ZNF205: variants seen among roughly 807,000 people sequenced by gnomAD.
The protein encoded by ZNF205 is transcriptional repressor RHIT.
A neutral mutation model predicts 53.6 loss-of-function variants in ZNF205; 32 were observed. That is an observed-to-expected ratio of 0.60 (90% confidence interval 0.45 to 0.80). The LOEUF (loss-of-function observed/expected upper bound fraction) is 0.80, where lower values mean the gene tolerates loss of function less well. Among genes scored for constraint, ZNF205 ranks in the 30% least tolerant of loss-of-function variants. The probability of loss-of-function intolerance (pLI) is 0.00; values close to 1 mark genes in which losing one functional copy is unlikely to be tolerated. For missense variants in ZNF205, 836 were observed against 782.4 expected (o/e 1.07, Z -0.82); for synonymous variants, 382 against 334.3 (o/e 1.14, Z -1.56).
In ZNF205 at chr16:3,118,891, C is replaced by A; in HGVS notation, c.485-14C>A. 6.2e-7 allele frequency: 1 copy of A among 1,612,486 alleles called. No individual in the cohort carries two copies. The highest frequency in any genetic ancestry group is 8.5e-7 in the Non-Finnish European group (1 of 1,179,412). ...CAGAAGGCCTGTGACAGCACAGCAT[C>A]TCTTTCTGGGCAGGCTTTCCCTTCA... On this transcript the variant is annotated splice_polypyrimidine_tract_variant and intron_variant, in intron 5 of 6. Transcript: ENST00000219091.
At chr16:3,115,804 C>CGTGA (rs1567176303) in intron 3 of ZNF205, 25 bp from the exon 4 acceptor site, 1 of 1,596,194 alleles carries the variant, frequency 6.3e-7, no homozygotes, top group Admixed American at 1.7e-5. Context: ...AGCTGATCAC[C>CGTGA]GTGAGGACCT....
At chr16:3,116,008 C>G (rs984145563) in intron 4 of ZNF205, 88 bp downstream of exon 4, 2 of 1,358,268 alleles carry the variant, frequency 1.5e-6, no homozygotes, top group African/African-American at 2.9e-5. Context: ...CCGCTGGCCC[C>G]ACTTGCAGCC....
rs1957403124 is a variant in ZNF205 at position 3,120,009 on chromosome 16, G to T, written c.1349G>T (p.Cys450Phe). 1 of 1,613,738 alleles carries T rather than the reference G, an allele frequency of 6.2e-7. No individual in the cohort carries two copies. Among genetic ancestry groups the T allele is most frequent in the Non-Finnish European group, 8.5e-7 (1 of 1,179,910 alleles). The change falls in exon 7 of 7, where the codon TGC becomes TTC. Residue 450 changes from cysteine (C) to phenylalanine (F), a missense_variant. By Grantham distance (205) the Cys-to-Phe change is radical. Transcript: ENST00000219091. ...CACACTGGGGTCAAGCCCTATCCGT[G>T]CCCCGAGTGCGGCAAGTGCTTCAGC... ...RTHTGVKPYP[C>F]PECGKCFSQR...
intron 2 of ZNF205, chr16:3,114,737 G>C (rs1041148753): frequency 6.6e-5 from 10 of 152,188 alleles, no homozygotes; most frequent in African/African-American, 2.4e-4. Flanking sequence ...CCAAAATCTA[G>C]GTGTCAGCAG....
At chr16:3,114,008 T>C (rs950772376) in intron 2 of ZNF205, among the ~76,000 whole-genome samples, 3 of 152,120 alleles carry the variant, frequency 2.0e-5, no homozygotes, top group Admixed American at 6.5e-5. Flanking sequence ...GGGAACCAGA[T>C]GTGTCATCTG....
At chr16:3,115,784 C>T (rs1431455780) in intron 3 of ZNF205, 45 bp from the exon 4 acceptor site, 1 of 1,564,172 alleles carries the variant, frequency 6.4e-7, no homozygotes, top group Non-Finnish European at 8.8e-7. Context: ...GCAGCAGGTC[C>T]AGCAGGATGA....
Position 3,116,447 on chromosome 16 carries a change from T to C in ZNF205, c.384T>C (p.Asp128=), listed in dbSNP as rs1360083796. The C allele has an allele frequency of 6.2e-7, 1 of 1,614,062 alleles. No individual in the cohort carries two copies. The highest frequency in any genetic ancestry group is 2.2e-5 in the East Asian group (1 of 44,884). The change falls in exon 5 of 7, where the codon GAT becomes GAC. Residue 128 remains aspartate, a synonymous_variant. Transcript: ENST00000219091. The part of the protein sequence containing the change: ...AWSQMPVTFE[D]VALYLSREEW... ...TTCAGATGCCAGTGACTTTCGAGGA[T>C]GTGGCCTTGTACCTCTCCCGGGAGG...
chr16:3,115,416 CAG>C lies in ZNF205; in HGVS notation c.120_121del (p.Asp42HisfsTer8), dbSNP rs754162042. The C allele has an allele frequency of 6.2e-7, 1 of 1,611,828 alleles. No individual in the cohort carries two copies. On this transcript the variant is annotated frameshift_variant, in exon 3 of 7. Transcript: ENST00000219091. LOFTEE classifies it high-confidence loss of function. ...TCTAAGCTGGGGGAGGCGGTACCTT[CAG>C]GGGACACTCAGGAGTCACTGCACAT...
chr16:3,116,381 G>A (rs188397102), intron 4 of ZNF205, 46 bp from the exon 5 acceptor site: 60 of 1,608,712 alleles, frequency 3.7e-5, no homozygotes, highest in Admixed American at 1.2e-4. Context: ...TCCCTCCACC[G>A]TGTCCACGTC....
Position 3,113,441 on chromosome 16 carries a change from A to ACGG in ZNF205, c.15_17dup (p.Gly7dup), listed in dbSNP as rs2151225709. The ACGG allele has an allele frequency of 6.2e-7, 1 of 1,613,404 alleles. No individual in the cohort carries two copies. The highest frequency in any genetic ancestry group is 1.1e-5 in the South Asian group (1 of 90,968). On this transcript the variant is annotated inframe_insertion, in exon 2 of 7. Transcript: ENST00000219091. ...GCTCTGAAATAGAAAATGTCTGCAG[A>ACGG]CGGCGGAGGCATCCAGGACACCCAG...
At position 3,115,376 on chromosome 16, in the gene ZNF205, C is replaced by T. The variant is rs768798546; in HGVS notation, c.79C>T (p.His27Tyr). 6.2e-7 allele frequency: 1 copy of T among 1,603,184 alleles called. No individual in the cohort carries two copies. Among genetic ancestry groups the T allele is most frequent in the South Asian group, 1.1e-5 (1 of 89,250 alleles). ...CTAGGTTCCAGATCGTGGACATCCT[C>T]ATCAGGAAATGCCTTCTAAGCTGGG... ...PPEVPDRGHP[H>Y]QEMPSKLGEA... is the part of the protein sequence containing the mutation. The change falls in exon 3 of 7, where the codon CAT (histidine) becomes TAT (tyrosine). Residue 27 changes from histidine to tyrosine, a missense_variant. By Grantham distance (83) the His-to-Tyr change is moderately conservative. Coordinates refer to ENST00000219091, the MANE Select transcript of ZNF205 (RefSeq NM_001042428.2).
intron 5 of ZNF205, among the ~76,000 whole-genome samples, chr16:3,117,448 T>TTTG (rs1957360137): frequency 7.5e-6 from 1 of 133,358 alleles, no homozygotes; most frequent in Non-Finnish European, 1.6e-5. Context: ...AGAGCTTTTT[T>TTTG]TTTTTTTTTT....
rs182753359 is a variant in ZNF205 at position 3,114,360 on chromosome 16, T to C, written c.57+873T>C. ...ATCTGCGTGAACCTCATGACCATTC[T>C]GTGCAGGGGCAGAGCAGCTGCGTCC... On this transcript the variant is annotated intron_variant, in intron 2 of 6. Transcript: ENST00000219091. 2.1e-3 allele frequency among the ~76,000 whole-genome samples: 315 copies of C among 152,328 alleles called. 1 individual carries two copies. The highest frequency in any genetic ancestry group is 3.4e-3 in the Non-Finnish European group (234 of 68,022).
chr16:3,116,062 C>T (rs565490344), intron 4 of ZNF205, 142 bp downstream of exon 4: 1 of 979,554 alleles, frequency 1.0e-6, no homozygotes, highest in East Asian at 2.7e-5. Flanking sequence ...TGGAATTGTC[C>T]AGGCTCAAGG....
At position 3,112,656 on chromosome 16, in the gene ZNF205, G is replaced by C. The variant is rs1957282778; in HGVS notation, c.-41G>C. ...CCCGGGGGAGGGGGCCCCCACTGCC[G>C]CAGGTGCCCCCTCTGCCTCCACCCC... is the stretch of plus-strand genomic sequence containing the variant. On this transcript the variant is annotated 5_prime_UTR_variant, in exon 1 of 7. Transcript: ENST00000219091. 1.8e-4 allele frequency: 56 copies of C among 308,320 alleles called. 1 individual carries two copies. Among genetic ancestry groups the C allele is most frequent in the South Asian group, 1.5e-3 (56 of 36,922 alleles). 19.1% of individuals were successfully genotyped at this position (308,320 alleles called of 1,614,324 possible). A position where few individuals can be genotyped will look rare whatever the true frequency, so the allele number is the denominator to read the frequency against.
chr16:3,114,339 G>C (rs917349026), intron 2 of ZNF205, among the ~76,000 whole-genome samples: 1 of 152,168 alleles, frequency 6.6e-6, no homozygotes, highest in Non-Finnish European at 1.5e-5. Context: ...ATCATTATCT[G>C]CGTGAACCTC....
In ZNF205 at chr16:3,115,372, T is replaced by A. The variant is rs1221291507; in HGVS notation, c.75T>A (p.His25Gln). Residue 25 changes from histidine (H) to glutamine (Q), a missense_variant, in exon 3 of 7, where the codon CAT (histidine) becomes CAA (glutamine). His to Gln is a conservative substitution (Grantham distance 24, BLOSUM62 0). Transcript: ENST00000219091. Reference protein sequence around the residue: ...ETPPEVPDRGHPHQEMPSKLG... With the variant: ...ETPPEVPDRGQPHQEMPSKLG... ...CTTTCTAGGTTCCAGATCGTGGACA[T>A]CCTCATCAGGAAATGCCTTCTAAGC... is the stretch of plus-strand genomic sequence containing the variant. The A allele has an allele frequency of 6.2e-7, 1 of 1,601,744 alleles. No homozygotes were observed. The highest frequency in any genetic ancestry group is 1.7e-5 in the Admixed American group (1 of 58,152).
rs1596301248 is a variant in ZNF205, at chr16:3,120,390, C to G, written c.*65C>G. The G allele has an allele frequency of 7.7e-6, 11 of 1,435,498 alleles. No homozygotes were observed. Among genetic ancestry groups the G allele is most frequent in the Non-Finnish European group, 1.8e-6 (2 of 1,097,794 alleles). 88.9% of individuals were successfully genotyped at this position (1,435,498 alleles called of 1,614,324 possible). A position where few individuals can be genotyped will look rare whatever the true frequency, so the allele number is the denominator to read the frequency against. Reference sequence around the variant, plus strand: ...GAACAGCCCCACTGGAGTCAAGGCTCCGAGGGAGGAGAGAGGGGCTCGGGA... The same window carrying G: ...GAACAGCCCCACTGGAGTCAAGGCTGCGAGGGAGGAGAGAGGGGCTCGGGA... On this transcript the variant is annotated 3_prime_UTR_variant, in exon 7 of 7. Coordinates refer to ENST00000219091, the MANE Select transcript of ZNF205 (RefSeq NM_001042428.2).
rs898384962 is a variant in ZNF205, at chr16:3,115,865, A to AG, written c.312dup (p.Arg105GlufsTer75). 6.2e-7 allele frequency: 1 copy of AG among 1,613,858 alleles called. No individual in the cohort carries two copies. The highest frequency in any genetic ancestry group is 8.5e-7 in the Non-Finnish European group (1 of 1,179,938). ...CCCCGGATCCCCGTGCTTTCCCGAG[A>AG]GGGGAGGACCAGAGACCGGCAGATG... On this transcript the variant is annotated frameshift_variant, in exon 4 of 7. Coordinates refer to ENST00000219091, the MANE Select transcript of ZNF205 (RefSeq NM_001042428.2). LOFTEE classifies it high-confidence loss of function.
Sources: gnomAD v4.1 joint callset for allele counts (sites outside exome capture counted in the v4.1 genomes callset) on GRCh38, gnomAD v4.1.1 for gene constraint, MANE v1.5 for transcripts, NCBI Gene and HGNC (gene_info 2026-07-23, HGNC 2026-07-21) for gene names.